Variants in NR2E1 observed in about 807,000 individuals in gnomAD.
The protein encoded by NR2E1 is nuclear receptor TLX.
Under a neutral mutation model 43.6 loss-of-function variants are expected in NR2E1, and 5 were observed. The observed-to-expected ratio is 0.11, with a 90% CI of 0.06 to 0.24. The LOEUF is 0.24. Ranked by LOEUF, NR2E1 falls within the 10% of genes least tolerant of loss-of-function variation. The pLI is 1.00. For missense variants in NR2E1, 287 were observed against 496.7 expected, an observed-to-expected ratio of 0.58 and a Z score of 4.01; for synonymous variants, 191 against 195.5, an observed-to-expected ratio of 0.98 and a Z score of 0.19.
chr6:108,174,653 C>A (rs1024698690), intron 2 of NR2E1, among the ~76,000 whole-genome samples, 183 bp from the exon 3 acceptor site: 2 of 152,162 alleles, frequency 1.3e-5, no homozygotes, highest in South Asian at 2.1e-4. Flanking sequence ...GACGTCCCAG[C>A]CCCTTCTCGA....
chr6:108,168,016 GA>G, intron 1 of NR2E1: 1 of 1,585,002 alleles, frequency 6.3e-7, no homozygotes, highest in Non-Finnish European at 8.6e-7. Flanking sequence ...TGAACAAAAA[GA>G]AAAGGAGAAA....
chr6:108,167,171 A>C (rs1773723974), intron 1 of NR2E1, among the ~76,000 whole-genome samples: 1 of 152,146 alleles, frequency 6.6e-6, no homozygotes, highest in African/African-American at 2.4e-5. Flanking sequence ...TCCGAGCTCC[A>C]GCGCGCAAAA....
chr6:108,177,809 G>A (rs1115405), intron 4 of NR2E1, among the ~76,000 whole-genome samples: 3 of 152,348 alleles, frequency 2.0e-5, no homozygotes. Context: ...ACTTGGCTCA[G>A]CCCAAGGAAA....
In NR2E1 at chr6:108,166,850, G is replaced by T; in HGVS notation, c.25+60G>T. ...GCGCAGCCTGGGGCGAGCGAGCGGG[G>T]AGGCTGGGGGAGGTCCTGCCTGGAG... On this transcript the variant is annotated intron_variant, in intron 1 of 8. Coordinates refer to ENST00000368986, the MANE Select transcript of NR2E1 (RefSeq NM_003269.5). This position sits in a 1 kb window ranked among gnomAD's most constrained non-coding sequence, Gnocchi z 7.2. 1 of 1,503,508 alleles carries T rather than the reference G, an allele frequency of 6.7e-7. No individual in the cohort carries two copies. The highest frequency in any genetic ancestry group is 1.2e-5 in the South Asian group (1 of 83,946). 93.1% of individuals were successfully genotyped at this position (1,503,508 alleles called of 1,614,324 possible). A position where few individuals can be genotyped will look rare whatever the true frequency, so the allele number is the denominator to read the frequency against.
chr6:108,181,697 A>C, intron 8 of NR2E1, 46 bp downstream of exon 8: 1 of 1,407,800 alleles, frequency 7.1e-7, no homozygotes, highest in Non-Finnish European at 1.0e-6. Flanking sequence ...AATTGCCTCC[A>C]TTGTGAATGC....
chr6:108,167,177 CA>C (rs1773724156), intron 1 of NR2E1, among the ~76,000 whole-genome samples: 1 of 152,158 alleles, frequency 6.6e-6, no homozygotes, highest in Non-Finnish European at 1.5e-5. Flanking sequence ...CTCCAGCGCG[CA>C]AAAGCAACTC....
Position 108,167,038 on chromosome 6 carries a change from G to A in NR2E1, c.25+248G>A, listed in dbSNP as rs370159065. Among the ~76,000 whole-genome samples, 36 of 152,122 alleles carry A rather than the reference G, an allele frequency of 2.4e-4. No homozygotes were observed. The East Asian group carries it at 4.9e-3, about 21-fold the overall frequency. ...TGGTGCGGTGAGAAGGTTACGACCC[G>A]CGCAGCCCACCAGTCGGATGAGTTG... On this transcript the variant is annotated intron_variant, in intron 1 of 8. Coordinates refer to ENST00000368986, the MANE Select transcript of NR2E1 (RefSeq NM_003269.5).
At position 108,166,686 on chromosome 6, in the gene NR2E1, C is replaced by A; in HGVS notation, c.-80C>A. The A allele has an allele frequency of 1.6e-6, 2 of 1,247,086 alleles. No individual in the cohort carries two copies. Among genetic ancestry groups the A allele is most frequent in the Non-Finnish European group, 2.1e-6 (2 of 931,854 alleles). The allele number at this position is 1,247,086 out of a possible 1,614,324, so 77.3% of individuals were successfully genotyped here. A position where few individuals can be genotyped will look rare whatever the true frequency, so the allele number is the denominator to read the frequency against. ...AGGCTGGAGGGCAGCTGGAGAGCGG[C>A]GGCGCCCGGCGGCGAGGCGGGCGCT... is the stretch of plus-strand genomic sequence containing the variant. On this transcript the variant is annotated 5_prime_UTR_variant, in exon 1 of 9. Coordinates refer to ENST00000368986, the MANE Select transcript of NR2E1 (RefSeq NM_003269.5). This position sits in a 1 kb window ranked among gnomAD's most constrained non-coding sequence, Gnocchi z 7.2.
chr6:108,184,263 C>A (rs1370910520), intron 8 of NR2E1, among the ~76,000 whole-genome samples: 4 of 152,216 alleles, frequency 2.6e-5, no homozygotes, highest in Non-Finnish European at 4.4e-5. Context: ...TCCTAACTGA[C>A]CTTTGACATT....
intron 5 of NR2E1, 95 bp downstream of exon 5, chr6:108,178,336 C>A: frequency 7.6e-7 from 1 of 1,316,578 alleles, no homozygotes; most frequent in East Asian, 2.3e-5. Context: ...GGTAAACCAC[C>A]CAAGGCAGGC....
At position 108,170,824 on chromosome 6, in the gene NR2E1, AAAT is replaced by A. The variant is rs140672755; in HGVS notation, c.26-630_26-628del. Among the ~76,000 whole-genome samples, 866 of 152,316 alleles carry A rather than the reference AAAT, an allele frequency of 5.7e-3. 11 individuals are homozygous for A. Among genetic ancestry groups the A allele is most frequent in the African/African-American group, 0.019 (793 of 41,554 alleles). ...GGAGAAAATAATTTTTTCCTAAAAG[AAAT>A]AATTTCTCTAAAGCGACTCACCAAG... On this transcript the variant is annotated intron_variant, in intron 1 of 8. Transcript: ENST00000368986.
intron 8 of NR2E1, among the ~76,000 whole-genome samples, chr6:108,182,119 G>A (rs1420747984): frequency 6.6e-6 from 1 of 151,888 alleles, no homozygotes; most frequent in African/African-American, 2.4e-5. Flanking sequence ...GGCACCTGTA[G>A]TCCCAGCAGC....
In NR2E1 at chr6:108,187,838, T is replaced by G. The variant is rs1774099936; in HGVS notation, c.*375T>G. On this transcript the variant is annotated 3_prime_UTR_variant, in exon 9 of 9. Coordinates refer to ENST00000368986, the MANE Select transcript of NR2E1 (RefSeq NM_003269.5). ...TCTCTTCCTTTTTAGCATACAAAGT[T>G]TGGTAACCAAATATAGCTCTGTGTA... 3.2e-6 allele frequency: 1 copy of G among 311,936 alleles called. No individual in the cohort carries two copies. Among genetic ancestry groups the G allele is most frequent in the Non-Finnish European group, 6.3e-6 (1 of 158,670 alleles). 19.3% of individuals were successfully genotyped at this position (311,936 alleles called of 1,614,324 possible). A position where few individuals can be genotyped will look rare whatever the true frequency, so the allele number is the denominator to read the frequency against.
At chr6:108,186,375 G>C (rs1207972754) in intron 8 of NR2E1, among the ~76,000 whole-genome samples, 1 of 152,158 alleles carries the variant, frequency 6.6e-6, no homozygotes, top group Non-Finnish European at 1.5e-5. Flanking sequence ...AACTTTATTT[G>C]CAGGGTGGAG....
At position 108,180,986 on chromosome 6, in the gene NR2E1, C is replaced by T. The variant is rs1773974956; in HGVS notation, c.889+30C>T. On this transcript the variant is annotated intron_variant, in intron 7 of 8. Coordinates refer to ENST00000368986, the MANE Select transcript of NR2E1 (RefSeq NM_003269.5). This position sits in a 1 kb window ranked among gnomAD's most constrained non-coding sequence, Gnocchi z 5.4. ...GCAGACACAGACCCCTGTTTCTTCT[C>T]CTTCCCCAGTTTTGCCACCTCACTA... The T allele has an allele frequency of 6.2e-7, 1 of 1,613,614 alleles. No homozygotes were observed. The highest frequency in any genetic ancestry group is 8.5e-7 in the Non-Finnish European group (1 of 1,179,636).
intron 8 of NR2E1, among the ~76,000 whole-genome samples, chr6:108,183,389 TA>T (rs201731319): frequency 2.0e-5 from 3 of 150,840 alleles, no homozygotes; most frequent in African/African-American, 7.3e-5. Flanking sequence ...TTATGCCATT[TA>T]AAAAAAAAGC....
At chr6:108,181,883 A>G (rs576327860) in intron 8 of NR2E1, among the ~76,000 whole-genome samples, 1 of 152,324 alleles carries the variant, frequency 6.6e-6, no homozygotes, top group East Asian at 1.9e-4. Flanking sequence ...GTCCTGGCGG[A>G]ACAAATTGAT....
At chr6:108,184,178 G>A (rs964972364) in intron 8 of NR2E1, among the ~76,000 whole-genome samples, 2 of 152,142 alleles carry the variant, frequency 1.3e-5, no homozygotes, top group Admixed American at 6.5e-5. Context: ...AGGTAACAGA[G>A]TGAGTGAGAC....
chr6:108,182,915 G>A (rs991482960), intron 8 of NR2E1, among the ~76,000 whole-genome samples: 5 of 151,826 alleles, frequency 3.3e-5, no homozygotes, highest in African/African-American at 9.7e-5. Context: ...TGCCCAGGCT[G>A]GTCTCGAACT....
Sources: gnomAD v4.1 joint callset for allele counts (sites outside exome capture counted in the v4.1 genomes callset) on GRCh38, gnomAD v4.1.1 for gene constraint, Gnocchi (gnomAD v3.1) non-coding constraint, MANE v1.5 for transcripts, NCBI Gene and HGNC (gene_info 2026-07-23, HGNC 2026-07-21) for gene names.